Variants in CCNA1 observed in about 807,000 individuals in gnomAD.
CCNA1 encodes the protein cyclin-A1.
Under a neutral mutation model 54.1 loss-of-function variants are expected in CCNA1, and 23 were observed. The observed-to-expected ratio is 0.42, with a 90% confidence interval of 0.31 to 0.60. The LOEUF (loss-of-function observed/expected upper bound fraction) is 0.60, where lower values mean the gene tolerates loss of function less well. CCNA1 is among the 20% of genes least tolerant of loss of function. The pLI, the probability that CCNA1 is intolerant of heterozygous loss-of-function variation, is 0.14. For missense variants in CCNA1, 450 were observed against 556.7 expected (o/e 0.81, Z 1.93); for synonymous variants, 208 against 213.9 (o/e 0.97, Z 0.24).
intron 5 of CCNA1, 67 bp from the exon 6 acceptor site, chr13:36,439,912 C>T: frequency 9.4e-7 from 1 of 1,062,552 alleles, no homozygotes; most frequent in African/African-American, 1.6e-5. Flanking sequence ...AGAGGCGTGG[C>T]TTATGGTAGC....
chr13:36,431,578 A>C (rs1291502110), upstream of CCNA1: 2 of 151,548 alleles, frequency 1.3e-5, no homozygotes, highest in Non-Finnish European at 2.9e-5. Flanking sequence ...GCGGGGGAAG[A>C]CCTCTCGTGG....
intron 4 of CCNA1, 93 bp from the exon 5 acceptor site, chr13:36,438,551 C>A (rs1433826006): frequency 1.2e-5 from 10 of 865,850 alleles, no homozygotes; most frequent in East Asian, 2.7e-5. Context: ...ATCTTTCCAA[C>A]CTTTGCTTGT....
intron 1 of CCNA1, 52 bp from the exon 2 acceptor site, chr13:36,432,981 C>G (rs1298199055): frequency 6.5e-7 from 1 of 1,547,530 alleles, no homozygotes; most frequent in East Asian, 2.2e-5. Flanking sequence ...CCTTGGAGCC[C>G]GGGGTGGACG....
At chr13:36,442,399 T>A in intron 8 of CCNA1, 95 bp downstream of exon 8, 1 of 1,391,036 alleles carries the variant, frequency 7.2e-7, no homozygotes, top group East Asian at 2.3e-5. Flanking sequence ...AAATTGTGTA[T>A]CTGGTGCCAG....
chr13:36,439,795 A>G (rs1390348604), intron 5 of CCNA1, among the ~76,000 whole-genome samples, 184 bp from the exon 6 acceptor site: 1 of 152,166 alleles, frequency 6.6e-6, no homozygotes, highest in Non-Finnish European at 1.5e-5. Flanking sequence ...TGTGATAATC[A>G]TGTTCTTGGT....
At position 36,442,618 on chromosome 13, in the gene CCNA1, C is replaced by T. The variant is rs759272566; in HGVS notation, c.1351C>T (p.Leu451=). ...TTGCTTTGGGTCTTGTTTCAGGTAC[C>T]TGTGTGTGTCCCTCATGGAGCCACC... The change falls in exon 9 of 9, where the codon CTG becomes TTG. Residue 451 remains leucine, a synonymous_variant. Coordinates refer to ENST00000255465, the MANE Select transcript of CCNA1 (RefSeq NM_003914.4). The T allele has an allele frequency of 6.2e-7, 1 of 1,613,974 alleles. No homozygotes were observed. The highest frequency in any genetic ancestry group is 8.5e-7 in the Non-Finnish European group (1 of 1,179,912).
chr13:36,441,255 A>G (rs1351780102), intron 7 of CCNA1, 24 bp downstream of exon 7: 2 of 1,422,138 alleles, frequency 1.4e-6, no homozygotes, highest in Non-Finnish European at 2.0e-6. Flanking sequence ...TTCTTTCTAG[A>G]TGAAATTCAA....
At chr13:36,436,669 T>TTTG (rs1226663691) in intron 2 of CCNA1, among the ~76,000 whole-genome samples, 1 of 152,242 alleles carries the variant, frequency 6.6e-6, no homozygotes, top group South Asian at 2.1e-4. Flanking sequence ...ATTGTGACTC[T>TTTG]TTGTTGTCTT....
intron 6 of CCNA1, among the ~76,000 whole-genome samples, chr13:36,440,525 C>T (rs941578496): frequency 6.6e-6 from 1 of 152,164 alleles, no homozygotes; most frequent in Non-Finnish European, 1.5e-5. Flanking sequence ...AGGTTTTAGT[C>T]TCATCCTAAT....
chr13:36,439,720 A>G (rs745922409), intron 5 of CCNA1, among the ~76,000 whole-genome samples: 3 of 152,174 alleles, frequency 2.0e-5, no homozygotes, highest in Non-Finnish European at 4.4e-5. Flanking sequence ...CACAGGCCCA[A>G]ACCTAAAATT....
rs776844268 is a variant in CCNA1 at position 36,432,666 on chromosome 13, TG to T, written c.50del (p.Gly17AlafsTer68). The stretch of plus-strand genomic sequence containing the variant: ...CAATCATGTACCCTGGATCTTTTAT[TG>T]GGGGCTGGGGAGAAGAGTATCTCAG... On this transcript the variant is annotated frameshift_variant, in exon 1 of 9. Transcript: ENST00000255465. LOFTEE classifies it high-confidence loss of function. The T allele has an allele frequency of 6.2e-7, 1 of 1,610,590 alleles. No individual in the cohort carries two copies. Among genetic ancestry groups the T allele is most frequent in the South Asian group, 1.1e-5 (1 of 90,564 alleles).
intron 2 of CCNA1, among the ~76,000 whole-genome samples, chr13:36,434,485 G>A (rs116056653): frequency 0.014 from 2,061 of 152,080 alleles, 38 homozygotes; most frequent in African/African-American, 0.047. Flanking sequence ...AAAACTTAAC[G>A]CCTGAGACTT....
Position 36,438,513 on chromosome 13 carries a change from G to C in CCNA1, c.670-131G>C, listed in dbSNP as rs2055835800. 28 of 674,056 alleles carry C rather than the reference G, an allele frequency of 4.2e-5. No individual in the cohort carries two copies. In the South Asian group the frequency reaches 5.7e-4, roughly 14 times the overall value. 41.8% of individuals were successfully genotyped at this position (674,056 alleles called of 1,614,324 possible). Reference sequence around the variant, plus strand: ...AAATTTACACTTTCTTCCTTGTTATGATAAAGATTTATTTGGCTCTGATCA... The same window carrying C: ...AAATTTACACTTTCTTCCTTGTTATCATAAAGATTTATTTGGCTCTGATCA... On this transcript the variant is annotated intron_variant, in intron 4 of 8. Coordinates refer to ENST00000255465, the MANE Select transcript of CCNA1 (RefSeq NM_003914.4).
chr13:36,442,405 G>A, intron 8 of CCNA1, 101 bp downstream of exon 8: 1 of 1,356,982 alleles, frequency 7.4e-7, no homozygotes, highest in Non-Finnish European at 1.0e-6. Context: ...TGTATCTGGT[G>A]CCAGGTTGGA....
chr13:36,436,015 G>T (rs185032411), intron 2 of CCNA1, among the ~76,000 whole-genome samples: 1 of 152,208 alleles, frequency 6.6e-6, no homozygotes, highest in East Asian at 1.9e-4. Flanking sequence ...TAAATGTCTA[G>T]AACTATTTTG....
At chr13:36,433,440 T>TTCTTTCTTTCTTTCTTTTCTTTC (rs1566169715) in intron 2 of CCNA1, among the ~76,000 whole-genome samples, 73 of 79,928 alleles carry the variant, frequency 9.1e-4, no homozygotes, top group African/African-American at 2.6e-3. Context: ...CTTTCTTTCT[T>TTCTTTCTTTCTTTCTTTTCTTTC]TCGTTCTTTC....
At chr13:36,437,560 T>G in intron 2 of CCNA1, 69 bp from the exon 3 acceptor site, 6 of 1,478,938 alleles carry the variant, frequency 4.1e-6, no homozygotes, top group Non-Finnish European at 5.6e-6. Context: ...TTGGTTTGAG[T>G]CATGCAGGTT....
chr13:36,436,413 A>T (rs551820432), intron 2 of CCNA1, among the ~76,000 whole-genome samples: 33 of 152,256 alleles, frequency 2.2e-4, no homozygotes, highest in Admixed American at 9.8e-4. Flanking sequence ...TCTTCCACAG[A>T]CTAGAATATA....
chr13:36,442,630 C>G lies in CCNA1; in HGVS notation c.1363C>G (p.Leu455Val). The G allele has an allele frequency of 1.2e-6, 2 of 1,614,014 alleles. No homozygotes were observed. Among genetic ancestry groups the G allele is most frequent in the Non-Finnish European group, 1.7e-6 (2 of 1,179,966 alleles). The change falls in exon 9 of 9, where the codon CTC becomes GTC. Residue 455 changes from leucine (L) to valine (V), a missense_variant. By Grantham distance (32) the Leu-to-Val change is conservative. Transcript: ENST00000255465. ...TTGTTTCAGGTACCTGTGTGTGTCC[C>G]TCATGGAGCCACCTGCAGTTCTTCT...
Sources: allele counts gnomAD v4.1 joint callset (sites outside exome capture counted in the v4.1 genomes callset), GRCh38; gene constraint gnomAD v4.1.1; transcripts MANE v1.5; gene names NCBI Gene and HGNC (gene_info 2026-07-23, HGNC 2026-07-21).